Variants in CSMD1 observed in about 807,000 individuals in gnomAD.
CSMD1 encodes the protein CUB and sushi domain-containing protein 1.
Under a neutral mutation model 417.5 loss-of-function variants are expected in CSMD1, and 213 were observed. The observed-to-expected ratio is 0.51, with a 90% CI of 0.46 to 0.57. The LOEUF (loss-of-function observed/expected upper bound fraction) is 0.57. Among genes scored for constraint, CSMD1 ranks in the 20% least tolerant of loss-of-function variants. The pLI, the probability that CSMD1 is intolerant of heterozygous loss-of-function variation, is 0.00. For synonymous variants in CSMD1, 2,862 were observed against 1,736.8 expected (o/e 1.65, Z -16.11); for missense variants, 6,923 against 4,529.7 (o/e 1.53, Z -15.17).
At chr8:3,132,318 A>C (rs1817833560) in intron 41 of CSMD1, among the ~76,000 whole-genome samples, 1 of 152,092 alleles carries the variant, frequency 6.6e-6, no homozygotes, top group African/African-American at 2.4e-5. Flanking sequence ...TGGCACAGAA[A>C]TTACATTCTC....
At chr8:4,018,442 G>T (rs942676603) in intron 4 of CSMD1, among the ~76,000 whole-genome samples, 7 of 152,250 alleles carry the variant, frequency 4.6e-5, no homozygotes, top group Admixed American at 1.3e-4. Flanking sequence ...CTGAGTAGCT[G>T]CAGGTCTGTC....
chr8:4,409,642 C>CTTTTTT (rs61368925), intron 3 of CSMD1, among the ~76,000 whole-genome samples: 2 of 141,848 alleles, frequency 1.4e-5, no homozygotes, highest in Non-Finnish European at 3.0e-5. Flanking sequence ...GACTTTTTTT[C>CTTTTTT]TTTTTTTTTT....
chr8:3,329,028 T>C (rs539677941), intron 23 of CSMD1, among the ~76,000 whole-genome samples: 148 of 151,902 alleles, frequency 9.7e-4, no homozygotes, highest in African/African-American at 3.4e-3. Flanking sequence ...GCTGAAAAAA[T>C]TTACCTAAAT....
At chr8:4,825,451 A>C (rs1799769917) in intron 1 of CSMD1, among the ~76,000 whole-genome samples, 1 of 152,074 alleles carries the variant, frequency 6.6e-6, no homozygotes, top group South Asian at 2.1e-4. Flanking sequence ...TCTAGAACTT[A>C]CTCAGTTTGC....
chr8:4,866,444 T>C (rs1280393878), intron 1 of CSMD1, among the ~76,000 whole-genome samples: 5 of 152,014 alleles, frequency 3.3e-5, no homozygotes, highest in Non-Finnish European at 7.4e-5. Flanking sequence ...AGAAGTTTGT[T>C]CTATTCTCTT....
chr8:4,497,601 G>A (rs956064723), intron 2 of CSMD1, among the ~76,000 whole-genome samples: 3 of 152,118 alleles, frequency 2.0e-5, no homozygotes, highest in Non-Finnish European at 2.9e-5. Flanking sequence ...CTGCCATTTA[G>A]GCAAAGGCAG....
intron 5 of CSMD1, among the ~76,000 whole-genome samples, chr8:3,800,469 T>C (rs910409984): frequency 6.6e-6 from 1 of 152,132 alleles, no homozygotes. Flanking sequence ...CAACTGGATA[T>C]CCACATGCAA....
Position 2,937,707 on chromosome 8 carries a change from C to G in CSMD1, c.*878G>C, listed in dbSNP as rs1215783406. 1 of 152,260 alleles carries G rather than the reference C, an allele frequency of 6.6e-6. No homozygotes were observed. Among genetic ancestry groups the G allele is most frequent in the African/African-American group, 2.4e-5 (1 of 41,404 alleles). 9.4% of individuals were successfully genotyped at this position (152,260 alleles called of 1,614,324 possible). On this transcript the variant is annotated 3_prime_UTR_variant, in exon 70 of 70. Transcript: ENST00000635120. ...CAATGAATTCAACACGTAAATGGAG[C>G]TAATTGAAGCAATAATAAAATAAAT...
At chr8:3,083,279 G>A (rs1359484457) in intron 49 of CSMD1, among the ~76,000 whole-genome samples, 2 of 151,620 alleles carry the variant, frequency 1.3e-5, no homozygotes, top group Non-Finnish European at 2.9e-5. Flanking sequence ...ATATATCTCT[G>A]CTTGTAAATT....
chr8:4,767,495 A>T (rs1306892967), intron 1 of CSMD1, among the ~76,000 whole-genome samples: 1 of 152,112 alleles, frequency 6.6e-6, no homozygotes. Flanking sequence ...CTGCTGGTCT[A>T]CCTGCCTGAG....
intron 42 of CSMD1, among the ~76,000 whole-genome samples, chr8:3,115,516 T>C (rs1816815106): frequency 6.6e-6 from 1 of 152,112 alleles, no homozygotes; most frequent in African/African-American, 2.4e-5. Flanking sequence ...ACCCCCACCT[T>C]TTTTTAATTT....
chr8:3,190,116 C>T lies in CSMD1; in HGVS notation c.5195-1G>A. The T allele has an allele frequency of 1.3e-6, 2 of 1,581,256 alleles. No individual in the cohort carries two copies. The highest frequency in any genetic ancestry group is 2.3e-5 in the East Asian group (1 of 43,298). ...TGGGTGTCACTGGTACGAGGAACAG[C>T]TAGAAGCAAAGTACAGAACACAGCC... On this transcript the variant is annotated splice_acceptor_variant, in intron 33 of 69. Transcript: ENST00000635120. LOFTEE classifies it high-confidence loss of function.
At chr8:3,664,675 C>A (rs1158369679) in intron 7 of CSMD1, among the ~76,000 whole-genome samples, 2 of 152,198 alleles carry the variant, frequency 1.3e-5, no homozygotes, top group Non-Finnish European at 1.5e-5. Flanking sequence ...GCTTTTGCAT[C>A]AAGAAGCTGA....
chr8:3,888,213 C>G (rs1000622420), intron 5 of CSMD1, among the ~76,000 whole-genome samples: 2 of 152,084 alleles, frequency 1.3e-5, no homozygotes, highest in African/African-American at 4.8e-5. Flanking sequence ...AAATCAAAAC[C>G]TAGACATAAA....
chr8:4,574,551 C>T (rs941837005), intron 2 of CSMD1, among the ~76,000 whole-genome samples: 9 of 152,148 alleles, frequency 5.9e-5, no homozygotes, highest in Non-Finnish European at 7.4e-5. Context: ...GAGCTGCAGA[C>T]GGGAGCTGTT....
chr8:4,112,157 A>G (rs953679958), intron 3 of CSMD1, among the ~76,000 whole-genome samples: 1 of 152,216 alleles, frequency 6.6e-6, no homozygotes, highest in African/African-American at 2.4e-5. Context: ...CCAGAGCTTA[A>G]AAGAGCTGGG....
chr8:4,131,291 TAC>T (rs1365878422), intron 3 of CSMD1, among the ~76,000 whole-genome samples: 2 of 152,186 alleles, frequency 1.3e-5, no homozygotes, highest in South Asian at 2.1e-4. Context: ...AGGCTGAATC[TAC>T]ACAGAGCTTC....
chr8:4,463,310 G>A (rs1015861970), intron 2 of CSMD1, among the ~76,000 whole-genome samples: 2 of 152,120 alleles, frequency 1.3e-5, no homozygotes, highest in Non-Finnish European at 2.9e-5. Flanking sequence ...AGGTGTATGG[G>A]TGTTTCACTT....
rs1816593777 is a variant in CSMD1 at position 3,462,861 on chromosome 8, A to C, written c.1561+5851T>G. Among the ~76,000 whole-genome samples the C allele has an allele frequency of 2.0e-5, 3 of 152,010 alleles. No individual in the cohort carries two copies. The South Asian group carries it at 6.2e-4, about 32-fold the overall frequency. ...CTCCAAATTCCTAAGTTGAAACCTA[A>C]CCTCAAATTTGATGGTTTTCAGAGA... On this transcript the variant is annotated intron_variant, in intron 12 of 69. Transcript: ENST00000635120.
Sources: allele counts gnomAD v4.1 joint callset (sites outside exome capture counted in the v4.1 genomes callset), GRCh38; gene constraint gnomAD v4.1.1; transcripts MANE v1.5; gene names NCBI Gene and HGNC (gene_info 2026-07-23, HGNC 2026-07-21).